The following LUZP2 variants were observed in gnomAD, a reference collection of about 807,000 sequenced individuals.
LUZP2 encodes the protein leucine zipper protein 2.
LUZP2 carries 52 observed loss-of-function variants against 51.6 expected under a neutral mutation model. The observed-to-expected ratio is 1.01, with a 90% CI of 0.81 to 1.27. LUZP2 has a LOEUF of 1.27. Among genes scored for constraint, LUZP2 ranks in the 50% most tolerant of loss-of-function variants. The pLI, the probability that LUZP2 is intolerant of heterozygous loss-of-function variation, is 0.00. For missense variants in LUZP2, 436 were observed against 395.4 expected, an observed-to-expected ratio of 1.10 and a Z score of -0.87; for synonymous variants, 154 against 137.3, an observed-to-expected ratio of 1.12 and a Z score of -0.85.
chr11:24,957,344 A>T (rs1855239669), intron 7 of LUZP2, among the ~76,000 whole-genome samples: 1 of 152,050 alleles, frequency 6.6e-6, no homozygotes, highest in South Asian at 2.1e-4. Flanking sequence ...AATTTCTCTA[A>T]ATATTTATCA....
At chr11:24,945,849 A>G (rs907420164) in intron 7 of LUZP2, among the ~76,000 whole-genome samples, 3 of 152,100 alleles carry the variant, frequency 2.0e-5, no homozygotes, top group Non-Finnish European at 4.4e-5. Context: ...CAATCCATTT[A>G]AAATGTACAA....
chr11:24,544,010 A>C (rs987242186), intron 1 of LUZP2, among the ~76,000 whole-genome samples: 1 of 152,030 alleles, frequency 6.6e-6, no homozygotes, highest in African/African-American at 2.4e-5. Flanking sequence ...AAACCCAAGA[A>C]GTGAGGTGTG....
At chr11:24,602,234 G>GTATATATATGCAAATATATA (rs1565020903) in intron 1 of LUZP2, among the ~76,000 whole-genome samples, 4 of 14,906 alleles carry the variant, frequency 2.7e-4, no homozygotes, top group Non-Finnish European at 1.9e-3. Flanking sequence ...GTACATATAT[G>GTATATATATGCAAATATATA]TGTATATATG....
At chr11:24,994,159 C>CTTTTT (rs58939086) in intron 9 of LUZP2, among the ~76,000 whole-genome samples, 3 of 127,680 alleles carry the variant, frequency 2.3e-5, no homozygotes, top group African/African-American at 9.0e-5. Flanking sequence ...GCACCTGGCC[C>CTTTTT]TTTTTTTTTT....
In LUZP2 at chr11:24,688,330, C is replaced by T. The variant is rs556571079; in HGVS notation, c.63-40839C>T. 3.3e-5 allele frequency among the ~76,000 whole-genome samples: 5 copies of T among 152,198 alleles called. No individual in the cohort carries two copies. The South Asian group carries it at 6.2e-4, about 19-fold the overall frequency. ...AGAGACATTAAGCACTTGCCCAATACTATGTAGCTAGAGAATTGTATGGTC... is the reference window on the plus strand; with the variant it reads ...AGAGACATTAAGCACTTGCCCAATATTATGTAGCTAGAGAATTGTATGGTC... On this transcript the variant is annotated intron_variant, in intron 1 of 11. Coordinates refer to ENST00000336930, the MANE Select transcript of LUZP2 (RefSeq NM_001009909.4).
At chr11:24,880,049 G>T (rs1852410839) in intron 5 of LUZP2, among the ~76,000 whole-genome samples, 1 of 152,116 alleles carries the variant, frequency 6.6e-6, no homozygotes, top group African/African-American at 2.4e-5. Context: ...TAGTCCTTGT[G>T]CCCTAGACTT....
At chr11:24,992,365 G>T (rs1856375882) in intron 9 of LUZP2, among the ~76,000 whole-genome samples, 1 of 152,104 alleles carries the variant, frequency 6.6e-6, no homozygotes, top group African/African-American at 2.4e-5. Context: ...GTGTCTATGT[G>T]TGATGGGGGA....
intron 9 of LUZP2, among the ~76,000 whole-genome samples, chr11:25,014,246 A>T (rs2133962832): frequency 6.6e-6 from 1 of 152,254 alleles, no homozygotes; most frequent in South Asian, 2.1e-4. Flanking sequence ...ATGTTTTATA[A>T]TCCTTTGGGT....
Position 24,717,431 on chromosome 11 carries a change from C to A in LUZP2, c.63-11738C>A, listed in dbSNP as rs1858092710. On this transcript the variant is annotated intron_variant, in intron 1 of 11. Coordinates refer to ENST00000336930, the MANE Select transcript of LUZP2 (RefSeq NM_001009909.4). The stretch of plus-strand genomic sequence containing the variant: ...ATAGTTTTTTTTTTTTTTTTTGAGA[C>A]GGAGTATTGCCTTGTCGCCCAGGTG... Among the ~76,000 whole-genome samples, 6 of 140,566 alleles carry A rather than the reference C, an allele frequency of 4.3e-5. 1 individual carries two copies. In the South Asian group the frequency reaches 1.4e-3, roughly 32 times the overall value. The allele number at this position is 140,566 out of a possible 152,430, so 92.2% of individuals were successfully genotyped here.
intron 1 of LUZP2, among the ~76,000 whole-genome samples, chr11:24,584,830 A>G (rs944194058): frequency 1.3e-5 from 2 of 152,184 alleles, no homozygotes; most frequent in African/African-American, 4.8e-5. Flanking sequence ...AAGTACATAA[A>G]TACTTGATCC....
intron 6 of LUZP2, among the ~76,000 whole-genome samples, chr11:24,910,798 A>C (rs964874659): frequency 6.6e-6 from 1 of 152,176 alleles, no homozygotes; most frequent in African/African-American, 2.4e-5. Context: ...ATCACTGCCT[A>C]GTGGAGCTGT....
chr11:24,936,109 G>A (rs1350767336), intron 7 of LUZP2, among the ~76,000 whole-genome samples: 1 of 151,996 alleles, frequency 6.6e-6, no homozygotes, highest in African/African-American at 2.4e-5. Flanking sequence ...TACCTTTTAC[G>A]ATATTGAATA....
chr11:24,638,158 A>G (rs562861630), intron 1 of LUZP2, among the ~76,000 whole-genome samples: 1 of 151,860 alleles, frequency 6.6e-6, no homozygotes, highest in Non-Finnish European at 1.5e-5. Context: ...TGACAAAACA[A>G]AACTATATGA....
chr11:24,602,099 T>TGC lies in LUZP2; in HGVS notation c.62+104795_62+104796insCG, dbSNP rs1491497542. Among the ~76,000 whole-genome samples the TGC allele has an allele frequency of 2.3e-5, 3 of 131,236 alleles. No homozygotes were observed. In the Admixed American group the frequency reaches 2.5e-4, roughly 11 times the overall value. The allele number at this position is 131,236 out of a possible 152,430, so 86.1% of individuals were successfully genotyped here. On this transcript the variant is annotated intron_variant, in intron 1 of 11. Coordinates refer to ENST00000336930, the MANE Select transcript of LUZP2 (RefSeq NM_001009909.4). ...GTATATATGTGTATATATGTATATATGTGTATATGTGTATATATGTATATA... is the reference window on the plus strand; with the variant it reads ...GTATATATGTGTATATATGTATATATGCGTGTATATGTGTATATATGTATATA...
chr11:24,843,194 A>C (rs1851088588), intron 5 of LUZP2, among the ~76,000 whole-genome samples: 1 of 152,048 alleles, frequency 6.6e-6, no homozygotes. Flanking sequence ...ATGGTGATTT[A>C]ACAGAGCCAT....
chr11:24,951,748 G>A (rs1427722961), intron 7 of LUZP2, among the ~76,000 whole-genome samples: 1 of 151,496 alleles, frequency 6.6e-6, no homozygotes, highest in East Asian at 1.9e-4. Context: ...TGCAGAGGAA[G>A]AAAATCTACA....
intron 1 of LUZP2, among the ~76,000 whole-genome samples, chr11:24,525,710 CTATA>C (rs879862035): frequency 2.0e-5 from 3 of 150,400 alleles, no homozygotes; most frequent in African/African-American, 7.3e-5. Flanking sequence ...TGTTCTCTCT[CTATA>C]TATATATATA....
At chr11:24,904,507 T>G (rs1018445019) in intron 5 of LUZP2, among the ~76,000 whole-genome samples, 5 of 152,118 alleles carry the variant, frequency 3.3e-5, no homozygotes, top group Admixed American at 6.6e-5. Flanking sequence ...ATGGTCTTGA[T>G]CTCCTGACCT....
chr11:24,928,503 A>G (rs879390829), intron 7 of LUZP2, among the ~76,000 whole-genome samples: 82 of 151,938 alleles, frequency 5.4e-4, no homozygotes, highest in Non-Finnish European at 1.9e-4. Context: ...ATTTTTTAGA[A>G]AAATTCTTCC....
Sources: allele counts gnomAD v4.1 joint callset (sites outside exome capture counted in the v4.1 genomes callset), GRCh38; gene constraint gnomAD v4.1.1; transcripts MANE v1.5; gene names NCBI Gene and HGNC (gene_info 2026-07-23, HGNC 2026-07-21).